Variants in FAM222B observed in about 807,000 individuals in gnomAD.
FAM222B encodes family with sequence similarity 222 member B.
FAM222B carries 12 observed loss-of-function variants against 38.0 expected under a neutral mutation model. The observed-to-expected ratio is 0.32, with a 90% CI of 0.20 to 0.51. FAM222B has a LOEUF of 0.51. FAM222B is among the 20% of genes least tolerant of loss of function. FAM222B has a pLI of 0.97. For synonymous variants in FAM222B, 329 were observed against 317.2 expected (o/e 1.04, Z -0.40); for missense variants, 716 against 754.2 (o/e 0.95, Z 0.59).
At chr17:28,840,352 C>G (rs940065143) in intron 1 of FAM222B, among the ~76,000 whole-genome samples, 2 of 152,066 alleles carry the variant, frequency 1.3e-5, no homozygotes, top group African/African-American at 2.4e-5. Context: ...GGCGACAGAA[C>G]AAGACTCTGT....
At chr17:28,774,568 A>G (rs1481801089) in intron 1 of FAM222B, among the ~76,000 whole-genome samples, 1 of 151,920 alleles carries the variant, frequency 6.6e-6, no homozygotes, top group African/African-American at 2.4e-5. Flanking sequence ...CTTTTTCCCT[A>G]CTGGAAAATT....
chr17:28,787,826 C>CTTTTTT (rs59467944), intron 1 of FAM222B, among the ~76,000 whole-genome samples: 21,874 of 129,174 alleles, frequency 0.17, 2,096 homozygotes, highest in South Asian at 0.26. Context: ...ATAAAGTAGT[C>CTTTTTT]TTTTTTTTTT....
intron 1 of FAM222B, among the ~76,000 whole-genome samples, chr17:28,786,215 C>G (rs1194214749): frequency 6.6e-6 from 1 of 152,120 alleles, no homozygotes; most frequent in Non-Finnish European, 1.5e-5. Context: ...TAGGCCAACA[C>G]TTTGCAATGT....
rs553983159 is a variant in FAM222B, at chr17:28,784,292, A to G, written c.-40-17585T>C. Among the ~76,000 whole-genome samples, 94 of 151,618 alleles carry G rather than the reference A, an allele frequency of 6.2e-4. 1 individual carries two copies. Among genetic ancestry groups the G allele is most frequent in the African/African-American group, 2.2e-3 (89 of 41,358 alleles). ...AATTTAAGACCAGCATGGGCAACGC[A>G]GTAAAATTCCAACTCTTTAAAAACT... On this transcript the variant is annotated intron_variant, in intron 1 of 2. Coordinates refer to ENST00000581407, the MANE Select transcript of FAM222B (RefSeq NM_001077498.3).
chr17:28,853,941 CT>C (rs34393247), intron 1 of FAM222B, among the ~76,000 whole-genome samples: 17,319 of 119,942 alleles, frequency 0.14, 790 homozygotes, highest in South Asian at 0.21. Flanking sequence ...ATCTCTGTTT[CT>C]TTTTTTTTTT....
intron 1 of FAM222B, among the ~76,000 whole-genome samples, chr17:28,822,307 C>A (rs993333793): frequency 1.9e-4 from 28 of 150,646 alleles, no homozygotes; most frequent in African/African-American, 6.8e-4. Flanking sequence ...GCATGAGCCA[C>A]CACGCCCGGC....
At chr17:28,782,475 A>G (rs1231876400) in intron 1 of FAM222B, among the ~76,000 whole-genome samples, 1 of 152,216 alleles carries the variant, frequency 6.6e-6, no homozygotes, top group East Asian at 1.9e-4. Flanking sequence ...AATAACTCCC[A>G]AAGGAGGAAA....
intron 1 of FAM222B, among the ~76,000 whole-genome samples, chr17:28,792,607 C>T (rs1489456647): frequency 6.6e-6 from 1 of 151,706 alleles, no homozygotes; most frequent in Admixed American, 6.6e-5. Context: ...ATGGTGAAAC[C>T]CCATCTCTAC....
intron 1 of FAM222B, among the ~76,000 whole-genome samples, chr17:28,770,538 G>A (rs1165052448): frequency 6.6e-6 from 1 of 151,848 alleles, no homozygotes; most frequent in African/African-American, 2.4e-5. Context: ...AAGCAGCTGG[G>A]ATTACAGGTA....
At chr17:28,811,198 T>TG in intron 1 of FAM222B, among the ~76,000 whole-genome samples, 1 of 152,248 alleles carries the variant, frequency 6.6e-6, no homozygotes, top group South Asian at 2.1e-4. Context: ...CCCAGCACTT[T>TG]GGGAGGCCGA....
chr17:28,802,007 CAAA>C (rs61492022), intron 1 of FAM222B, among the ~76,000 whole-genome samples: 3 of 109,322 alleles, frequency 2.7e-5, no homozygotes, highest in Admixed American at 9.3e-5. Flanking sequence ...TTGCTGAATG[CAAA>C]AAAAAAAAAA....
Position 28,797,878 on chromosome 17 carries a change from T to C in FAM222B, c.-40-31171A>G, listed in dbSNP as rs115871989. On this transcript the variant is annotated intron_variant, in intron 1 of 2. Coordinates refer to ENST00000581407, the MANE Select transcript of FAM222B (RefSeq NM_001077498.3). Reference sequence around the variant, plus strand: ...AAGAGCAAGACCAGTCTGGACAACATAGGGAGACCCCATCTCTACAAAAAA... The same window carrying C: ...AAGAGCAAGACCAGTCTGGACAACACAGGGAGACCCCATCTCTACAAAAAA... 1.6e-3 allele frequency among the ~76,000 whole-genome samples: 246 copies of C among 150,230 alleles called. 2 individuals are homozygous for C. Among genetic ancestry groups the C allele is most frequent in the African/African-American group, 5.3e-3 (217 of 41,020 alleles).
upstream of FAM222B, among the ~76,000 whole-genome samples, chr17:28,847,150 G>A (rs971910506): frequency 6.6e-6 from 1 of 151,614 alleles, no homozygotes; most frequent in Non-Finnish European, 1.5e-5. Flanking sequence ...TTGAACCCCA[G>A]AGGCACAGGT....
At chr17:28,770,967 AATATGTGTGTGTATAT>A (rs1363539786) in intron 1 of FAM222B, among the ~76,000 whole-genome samples, 89 of 151,240 alleles carry the variant, frequency 5.9e-4, no homozygotes, top group East Asian at 1.4e-3. Flanking sequence ...TGTGTGTATA[AATATGTGTGTGTATAT>A]ATATGTGTGT....
chr17:28,816,321 T>A (rs577821435), intron 1 of FAM222B, among the ~76,000 whole-genome samples: 2 of 152,166 alleles, frequency 1.3e-5, no homozygotes, highest in Non-Finnish European at 2.9e-5. Flanking sequence ...ATTTTTACTA[T>A]GTTAACTTAG....
chr17:28,826,414 C>T (rs1392767014), intron 1 of FAM222B, among the ~76,000 whole-genome samples: 1 of 152,092 alleles, frequency 6.6e-6, no homozygotes, highest in Non-Finnish European at 1.5e-5. Flanking sequence ...GACAGGTTGG[C>T]TCACGCCTGT....
intron 1 of FAM222B, among the ~76,000 whole-genome samples, chr17:28,847,913 C>CA (rs35199325): frequency 0.011 from 1,083 of 99,338 alleles, 11 homozygotes; most frequent in African/African-American, 0.028. Context: ...GACTCCGCCT[C>CA]AAAAAAAAAA....
intron 1 of FAM222B, among the ~76,000 whole-genome samples, chr17:28,805,114 T>C (rs1240714456): frequency 6.7e-6 from 1 of 150,088 alleles, no homozygotes; most frequent in Non-Finnish European, 1.5e-5. Context: ...ATCCCAGCAC[T>C]TGGGAGGCCA....
chr17:28,852,107 C>T (rs1268660323), intron 1 of FAM222B, among the ~76,000 whole-genome samples: 1 of 151,896 alleles, frequency 6.6e-6, no homozygotes, highest in Non-Finnish European at 1.5e-5. Flanking sequence ...GTGGCTCACG[C>T]CTGCAATCCT....
Sources: gnomAD v4.1 joint callset for allele counts (sites outside exome capture counted in the v4.1 genomes callset) on GRCh38, gnomAD v4.1.1 for gene constraint, MANE v1.5 for transcripts, NCBI Gene and HGNC (gene_info 2026-07-23, HGNC 2026-07-21) for gene names.